The following PTPN3 variants were observed in gnomAD, a reference collection of about 807,000 sequenced individuals.
PTPN3 encodes protein tyrosine phosphatase non-receptor type 3.
Under a neutral mutation model 132.7 loss-of-function variants are expected in PTPN3, and 96 were observed. The observed-to-expected ratio is 0.72, with a 90% CI of 0.61 to 0.86. The LOEUF is 0.86. Among genes scored for constraint, PTPN3 ranks in the 40% least tolerant of loss-of-function variants. The probability of loss-of-function intolerance (pLI) is 0.00; values close to 1 mark genes in which losing one functional copy is unlikely to be tolerated. For synonymous variants in PTPN3, 398 were observed against 429.0 expected (o/e 0.93, Z 0.89); for missense variants, 1,125 against 1,159.6 (o/e 0.97, Z 0.43).
At chr9:109,422,976 G>C (rs2131850321) in intron 12 of PTPN3, 124 bp from the exon 13 acceptor site, 1 of 1,189,360 alleles carries the variant, frequency 8.4e-7, no homozygotes, top group East Asian at 2.4e-5. Flanking sequence ...CCAAGGTTAT[G>C]GGGAGTAGAG....
At position 109,379,552 on chromosome 9, in the gene PTPN3, T is replaced by C. The variant is rs200494712; in HGVS notation, c.*4A>G. Reference sequence around the variant, plus strand: ...AAAGAGGAATGAACTTTTTCACAGTTGTCTTAACTAGGATCCAGCATTTGG... The same window carrying C: ...AAAGAGGAATGAACTTTTTCACAGTCGTCTTAACTAGGATCCAGCATTTGG... On this transcript the variant is annotated 3_prime_UTR_variant, in exon 26 of 26. Transcript: ENST00000374541. 8.4e-5 allele frequency: 136 copies of C among 1,611,566 alleles called. No individual in the cohort carries two copies. The highest frequency in any genetic ancestry group is 6.8e-6 in the Non-Finnish European group (8 of 1,177,720).
chr9:109,408,039 T>G (rs965507868), intron 17 of PTPN3, among the ~76,000 whole-genome samples: 1 of 152,154 alleles, frequency 6.6e-6, no homozygotes, highest in South Asian at 2.1e-4. Flanking sequence ...CAAAATTGAA[T>G]GCACACTAAC....
chr9:109,493,238 T>C (rs1847537456), intron 1 of PTPN3, among the ~76,000 whole-genome samples: 2 of 152,092 alleles, frequency 1.3e-5, no homozygotes, highest in Admixed American at 6.5e-5. Flanking sequence ...CCTTTCTCTA[T>C]ATTTAAAAAA....
In PTPN3 at chr9:109,406,541, C is replaced by T. The variant is rs578029933; in HGVS notation, c.1713G>A (p.Thr571=). The T allele has an allele frequency of 6.1e-5, 98 of 1,614,170 alleles. No homozygotes were observed. Among genetic ancestry groups the T allele is most frequent in the Middle Eastern group, 4.9e-4 (3 of 6,062 alleles). Residue 571 remains threonine, a synonymous_variant, in exon 18 of 26, where the codon ACG becomes ACA. Transcript: ENST00000374541. ...TGATGAACATCACCACTTGGTCATGCGTGTGTTCTGAGATGTCCCGGCCAT... is the reference window on the plus strand; with the variant it reads ...TGATGAACATCACCACTTGGTCATGTGTGTGTTCTGAGATGTCCCGGCCAT... ...LINGRDISEH[T]HDQVVMFIKA...
intron 1 of PTPN3, among the ~76,000 whole-genome samples, chr9:109,480,398 CAAT>C (rs1370945719): frequency 1.3e-5 from 2 of 152,126 alleles, no homozygotes; most frequent in African/African-American, 4.8e-5. Flanking sequence ...CTCCTAGACT[CAAT>C]GATCTGCCTG....
At chr9:109,458,254 GGGA>G (rs1845666582) in intron 2 of PTPN3, among the ~76,000 whole-genome samples, 1 of 152,186 alleles carries the variant, frequency 6.6e-6, no homozygotes, top group Non-Finnish European at 1.5e-5. Flanking sequence ...ATCTGGGTTT[GGGA>G]GGAGGACAGG....
intron 2 of PTPN3, 113 bp from the exon 3 acceptor site, chr9:109,457,512 C>T: frequency 1.3e-6 from 1 of 756,454 alleles, no homozygotes; most frequent in Non-Finnish European, 2.2e-6. Context: ...TGCACACACA[C>T]TTCCCACCAC....
At chr9:109,412,072 A>G (rs2131778807) in intron 14 of PTPN3, among the ~76,000 whole-genome samples, 1 of 152,352 alleles carries the variant, frequency 6.6e-6, no homozygotes. Context: ...TTACAAGAGC[A>G]TCACCCAGTG....
At chr9:109,479,503 C>T (rs751679972) in intron 1 of PTPN3, among the ~76,000 whole-genome samples, 23 of 152,188 alleles carry the variant, frequency 1.5e-4, no homozygotes, top group Non-Finnish European at 3.1e-4. Flanking sequence ...AGTATCTGTC[C>T]GAGTCCACTT....
the PTPN3 span, among the ~76,000 whole-genome samples, chr9:109,525,032 C>T: frequency 6.6e-6 from 1 of 152,102 alleles, no homozygotes; most frequent in African/African-American, 2.4e-5. Context: ...AGGTGTGAGC[C>T]ACCTTGCCTG....
At chr9:109,381,626 A>C in intron 25 of PTPN3, 26 bp downstream of exon 25, 1 of 1,613,702 alleles carries the variant, frequency 6.2e-7, no homozygotes, top group South Asian at 1.1e-5. Context: ...AGTGCCAGCC[A>C]CCGTAATTAC....
At chr9:109,534,382 C>T in the PTPN3 span, 10 of 1,467,474 alleles carry the variant, frequency 6.8e-6, no homozygotes, top group African/African-American at 7.1e-5. Context: ...CGGCTCCTCC[C>T]GGGGTGTGAT....
chr9:109,520,985 C>G, the PTPN3 span, among the ~76,000 whole-genome samples: 11 of 152,066 alleles, frequency 7.2e-5, no homozygotes, highest in Non-Finnish European at 1.3e-4. Context: ...TTTTTAAGCA[C>G]GAGGCCTGGC....
intron 17 of PTPN3, among the ~76,000 whole-genome samples, chr9:109,407,327 T>C (rs991702342): frequency 8.6e-5 from 13 of 152,016 alleles, no homozygotes; most frequent in Admixed American, 7.2e-4. Flanking sequence ...GAGGCTGCAG[T>C]GATCATACCA....
intron 19 of PTPN3, among the ~76,000 whole-genome samples, chr9:109,403,961 C>A (rs1330886040): frequency 6.6e-6 from 1 of 152,186 alleles, no homozygotes; most frequent in Non-Finnish European, 1.5e-5. Flanking sequence ...ACTATGCCCT[C>A]ATGGGATAAC....
chr9:109,519,594 G>A, the PTPN3 span, among the ~76,000 whole-genome samples: 1 of 152,142 alleles, frequency 6.6e-6, no homozygotes, highest in African/African-American at 2.4e-5. Context: ...TAAATGACAT[G>A]GTAGCGTTGG....
chr9:109,535,629 T>C, the PTPN3 span, among the ~76,000 whole-genome samples: 1 of 152,034 alleles, frequency 6.6e-6, no homozygotes, highest in African/African-American at 2.4e-5. Flanking sequence ...GCCTTAGCCT[T>C]CTGAGTAGCT....
intron 14 of PTPN3, among the ~76,000 whole-genome samples, 190 bp from the exon 15 acceptor site, chr9:109,410,605 C>T (rs1044103199): frequency 6.6e-6 from 1 of 152,162 alleles, no homozygotes; most frequent in African/African-American, 2.4e-5. Context: ...GGCCTAGACA[C>T]TGTCACATGG....
chr9:109,532,395 T>C, the PTPN3 span, among the ~76,000 whole-genome samples: 1 of 152,200 alleles, frequency 6.6e-6, no homozygotes, highest in Non-Finnish European at 1.5e-5. Context: ...AGTAATCCCA[T>C]TGGCTCTTTT....
Sources: allele counts gnomAD v4.1 joint callset (sites outside exome capture counted in the v4.1 genomes callset), GRCh38; gene constraint gnomAD v4.1.1; transcripts MANE v1.5; gene names NCBI Gene and HGNC (gene_info 2026-07-23, HGNC 2026-07-21).